The following FER variants were observed in gnomAD, a reference collection of about 807,000 sequenced individuals.
FER encodes FER tyrosine kinase.
A neutral mutation model predicts 111.0 loss-of-function variants in FER; 63 were observed. The ratio of observed to expected loss-of-function variants is 0.57; its 90% CI spans 0.46 to 0.70. The LOEUF (loss-of-function observed/expected upper bound fraction) is 0.70, where lower values mean the gene tolerates loss of function less well. Among genes scored for constraint, FER ranks in the 30% least tolerant of loss-of-function variants. FER has a pLI of 0.00. For missense variants in FER, 914 were observed against 954.0 expected (o/e 0.96, Z 0.55); for synonymous variants, 327 against 313.9 (o/e 1.04, Z -0.44).
At chr5:108,984,471 A>G (rs1762351577) in intron 13 of FER, among the ~76,000 whole-genome samples, 1 of 152,170 alleles carries the variant, frequency 6.6e-6, no homozygotes, top group South Asian at 2.1e-4. Context: ...TCATCAAAGC[A>G]TATTTGAAAA....
chr5:108,967,310 T>TGCCTTTTCTTCAAAGCACAA (rs1329614548), intron 13 of FER, among the ~76,000 whole-genome samples: 1 of 151,832 alleles, frequency 6.6e-6, no homozygotes, highest in African/African-American at 2.4e-5. Flanking sequence ...GACATGAGAG[T>TGCCTTTTCTTCAAAGCACAA]GGTCAGCTAT....
chr5:109,034,359 G>A (rs367820093), intron 13 of FER, among the ~76,000 whole-genome samples: 33 of 152,234 alleles, frequency 2.2e-4, no homozygotes, highest in African/African-American at 6.0e-4. Flanking sequence ...TGATGGACAT[G>A]TTTAGAAGGT....
chr5:109,070,404 G>A (rs1421163318), intron 16 of FER, among the ~76,000 whole-genome samples: 1 of 151,928 alleles, frequency 6.6e-6, no homozygotes, highest in Non-Finnish European at 1.5e-5. Flanking sequence ...ACATCACCAT[G>A]TTTGGTGATG....
intron 17 of FER, among the ~76,000 whole-genome samples, chr5:109,163,816 T>C (rs1756259231): frequency 1.3e-5 from 2 of 152,214 alleles, no homozygotes; most frequent in Admixed American, 6.5e-5. Context: ...TTTGATCATC[T>C]AACATAAATA....
At chr5:108,946,267 T>G in intron 11 of FER, 45 bp downstream of exon 11, 7 of 1,351,720 alleles carry the variant, frequency 5.2e-6, no homozygotes, top group Non-Finnish European at 7.4e-6. Flanking sequence ...GGTCATTGTC[T>G]AGCTTCTTTC....
At chr5:109,128,274 C>T (rs188174645) in intron 17 of FER, among the ~76,000 whole-genome samples, 83 of 151,578 alleles carry the variant, frequency 5.5e-4, no homozygotes, top group Non-Finnish European at 1.0e-3. Flanking sequence ...ATTTCTTAAT[C>T]ATGAAATAGT....
chr5:108,857,187 C>T (rs372937770), intron 5 of FER, among the ~76,000 whole-genome samples: 67 of 152,102 alleles, frequency 4.4e-4, no homozygotes, highest in African/African-American at 1.5e-3. Context: ...AATATAAAAA[C>T]GTAAATGTAT....
intron 16 of FER, among the ~76,000 whole-genome samples, chr5:109,069,304 T>C (rs1561854496): frequency 6.6e-6 from 1 of 152,160 alleles, no homozygotes; most frequent in East Asian, 1.9e-4. Flanking sequence ...GGAAGGCAGT[T>C]TGGCTAAGCA....
chr5:109,170,203 A>G (rs983842852), intron 17 of FER, among the ~76,000 whole-genome samples: 6 of 151,764 alleles, frequency 4.0e-5, no homozygotes, highest in African/African-American at 1.5e-4. Flanking sequence ...CTTATAGAAA[A>G]TAGAATAGAA....
chr5:109,081,255 G>C (rs1378892726), intron 16 of FER, among the ~76,000 whole-genome samples: 1 of 151,922 alleles, frequency 6.6e-6, no homozygotes, highest in Non-Finnish European at 1.5e-5. Flanking sequence ...ATATAGAATG[G>C]GTCCTTTTCT....
rs183178493 is a variant in FER, at chr5:109,043,840, G to T, written c.1714-840G>T. Among the ~76,000 whole-genome samples, 13 of 152,050 alleles carry T rather than the reference G, an allele frequency of 8.5e-5. No individual in the cohort carries two copies. In the East Asian group the frequency reaches 2.3e-3, roughly 27 times the overall value. ...ACAAAAATTAGCTGGGTGTGGTGGTGTGCGCCTGTAGTCCCAGCTACTCGG... is the reference window on the plus strand; with the variant it reads ...ACAAAAATTAGCTGGGTGTGGTGGTTTGCGCCTGTAGTCCCAGCTACTCGG... On this transcript the variant is annotated intron_variant, in intron 14 of 19. Coordinates refer to ENST00000281092, the MANE Select transcript of FER (RefSeq NM_005246.4).
intron 18 of FER, 61 bp from the exon 19 acceptor site, chr5:109,186,139 G>C (rs1300479750): frequency 6.2e-7 from 1 of 1,611,546 alleles, no homozygotes; most frequent in African/African-American, 1.3e-5. Context: ...TACATAACCA[G>C]GAAGGGTCAC....
chr5:109,067,716 A>G (rs991265427), intron 16 of FER, among the ~76,000 whole-genome samples: 2 of 152,084 alleles, frequency 1.3e-5, no homozygotes, highest in East Asian at 1.9e-4. Context: ...TTTCTTGTAG[A>G]TATATATTTT....
intron 17 of FER, among the ~76,000 whole-genome samples, chr5:109,170,889 C>T (rs924108175): frequency 2.0e-5 from 3 of 152,118 alleles, no homozygotes; most frequent in Non-Finnish European, 2.9e-5. Context: ...TGGCTAGTTA[C>T]AGGAAGACAG....
At chr5:109,096,493 T>A (rs1194466639) in intron 16 of FER, among the ~76,000 whole-genome samples, 2 of 151,962 alleles carry the variant, frequency 1.3e-5, no homozygotes. Flanking sequence ...TTCACTCTTT[T>A]CTGCTTTCCG....
At chr5:108,839,487 A>G (rs546206630) in intron 5 of FER, among the ~76,000 whole-genome samples, 30 of 152,120 alleles carry the variant, frequency 2.0e-4, no homozygotes, top group Middle Eastern at 6.8e-3. Flanking sequence ...GTAAATATCC[A>G]ATGGGTTTTT....
At chr5:108,957,654 A>C (rs1187082946) in intron 12 of FER, among the ~76,000 whole-genome samples, 3 of 151,662 alleles carry the variant, frequency 2.0e-5, no homozygotes, top group Admixed American at 2.0e-4. Context: ...CTGTACTCCC[A>C]TGCTTATTGC....
intron 14 of FER, among the ~76,000 whole-genome samples, chr5:109,040,289 T>G (rs1289561727): frequency 6.6e-6 from 1 of 151,674 alleles, no homozygotes; most frequent in African/African-American, 2.4e-5. Context: ...AACAGTGGAG[T>G]GAGTCTAGAT....
intron 17 of FER, among the ~76,000 whole-genome samples, chr5:109,165,220 T>C (rs1000550618): frequency 3.9e-5 from 6 of 152,310 alleles, no homozygotes; most frequent in Admixed American, 3.3e-4. Context: ...GTCAATCACA[T>C]GTTACTACTT....
Sources: allele counts gnomAD v4.1 joint callset (sites outside exome capture counted in the v4.1 genomes callset), GRCh38; gene constraint gnomAD v4.1.1; transcripts MANE v1.5; gene names NCBI Gene and HGNC (gene_info 2026-07-23, HGNC 2026-07-21).